Variants in MACROD2 observed in about 807,000 individuals in gnomAD.
MACROD2 encodes mono-ADP ribosylhydrolase 2.
In MACROD2, 36 loss-of-function variants were observed where a neutral mutation model predicts 70.4. The observed-to-expected ratio is 0.51, with a 90% CI of 0.39 to 0.68. MACROD2 has a LOEUF of 0.68. Among genes scored for constraint, MACROD2 ranks in the 30% least tolerant of loss-of-function variants. MACROD2 has a pLI of 0.00. For missense variants in MACROD2, 496 were observed against 538.4 expected (o/e 0.92, Z 0.78); for synonymous variants, 172 against 178.8 (o/e 0.96, Z 0.30).
chr20:15,697,160 C>T (rs2050388467), intron 8 of MACROD2, among the ~76,000 whole-genome samples: 1 of 151,998 alleles, frequency 6.6e-6, no homozygotes, highest in African/African-American at 2.4e-5. Context: ...TCTGTTTGTG[C>T]TCTTTCAAAC....
At chr20:14,469,527 C>T (rs2084502064) in intron 3 of MACROD2, among the ~76,000 whole-genome samples, 1 of 152,076 alleles carries the variant, frequency 6.6e-6, no homozygotes, top group Admixed American at 6.6e-5. Flanking sequence ...TGTTTTCCAA[C>T]TGGGTTCCAT....
At chr20:15,426,992 A>G (rs147877730) in intron 6 of MACROD2, among the ~76,000 whole-genome samples, 2 of 150,120 alleles carry the variant, frequency 1.3e-5, no homozygotes, top group African/African-American at 4.9e-5. Flanking sequence ...CTCTTTCTCA[A>G]TCTCTCTCTC....
intron 5 of MACROD2, among the ~76,000 whole-genome samples, chr20:14,869,680 T>G (rs1477648354): frequency 6.6e-6 from 1 of 152,198 alleles, no homozygotes; most frequent in African/African-American, 2.4e-5. Flanking sequence ...CAAACCCCTT[T>G]TCTCAACAAG....
intron 8 of MACROD2, among the ~76,000 whole-genome samples, chr20:15,694,756 A>G (rs888360361): frequency 1.3e-5 from 2 of 151,934 alleles, no homozygotes; most frequent in African/African-American, 4.8e-5. Context: ...TTTTTATTGC[A>G]TTTGCTTTTG....
chr20:14,262,063 C>A (rs2122316289), intron 3 of MACROD2, among the ~76,000 whole-genome samples: 1 of 151,974 alleles, frequency 6.6e-6, no homozygotes, highest in East Asian at 1.9e-4. Context: ...GAAGGCTTTA[C>A]CAGGTAGAGG....
At chr20:15,845,920 T>C (rs991830663) in intron 8 of MACROD2, among the ~76,000 whole-genome samples, 1 of 152,208 alleles carries the variant, frequency 6.6e-6, no homozygotes, top group Non-Finnish European at 1.5e-5. Flanking sequence ...TTTAAGCCTA[T>C]TCTCTTGATC....
chr20:15,672,179 A>G (rs564052812), intron 8 of MACROD2, among the ~76,000 whole-genome samples: 6 of 152,308 alleles, frequency 3.9e-5, no homozygotes, highest in African/African-American at 1.4e-4. Context: ...TCGTCTCTGC[A>G]CAGATGAAAT....
intron 5 of MACROD2, among the ~76,000 whole-genome samples, chr20:14,927,389 C>G (rs913787): frequency 0.16 from 23,859 of 152,156 alleles, 2,047 homozygotes; most frequent in Non-Finnish European, 0.19. Flanking sequence ...CTAGACTGTC[C>G]TAGCAGAAAC....
intron 5 of MACROD2, among the ~76,000 whole-genome samples, chr20:14,987,309 C>A (rs2074858336): frequency 6.6e-6 from 1 of 152,136 alleles, no homozygotes; most frequent in South Asian, 2.1e-4. Flanking sequence ...TGGGGCCTCT[C>A]TGAGGATTAT....
chr20:15,130,628 A>G (rs1466945967), intron 5 of MACROD2, among the ~76,000 whole-genome samples: 2 of 152,064 alleles, frequency 1.3e-5, no homozygotes, highest in Non-Finnish European at 2.9e-5. Context: ...ATGACCAAAA[A>G]CAGTCAAAGC....
At chr20:14,439,249 C>T (rs2084093307) in intron 3 of MACROD2, among the ~76,000 whole-genome samples, 1 of 151,930 alleles carries the variant, frequency 6.6e-6, no homozygotes, top group Non-Finnish European at 1.5e-5. Flanking sequence ...CTACTCTGTT[C>T]TCTGTGTCTC....
chr20:16,007,819 C>A (rs775727388), intron 15 of MACROD2, among the ~76,000 whole-genome samples: 1 of 152,090 alleles, frequency 6.6e-6, no homozygotes, highest in South Asian at 2.1e-4. Context: ...CTGTGGCTAA[C>A]AGAGTATGAC....
At chr20:14,979,608 A>G (rs2074778432) in intron 5 of MACROD2, among the ~76,000 whole-genome samples, 1 of 152,220 alleles carries the variant, frequency 6.6e-6, no homozygotes, top group Admixed American at 6.5e-5. Flanking sequence ...TGGGTTCTTG[A>G]TAAGTTATGT....
intron 13 of MACROD2, among the ~76,000 whole-genome samples, chr20:15,977,183 G>A (rs796548287): frequency 3.3e-5 from 5 of 152,292 alleles, no homozygotes; most frequent in African/African-American, 1.2e-4. Context: ...ATGACCTGGT[G>A]CGATGATTAG....
At chr20:15,624,844 C>T (rs2049179764) in intron 8 of MACROD2, among the ~76,000 whole-genome samples, 1 of 152,108 alleles carries the variant, frequency 6.6e-6, no homozygotes, top group African/African-American at 2.4e-5. Context: ...TTATTTTCTT[C>T]CAAACATAAC....
At chr20:14,900,696 T>C (rs951745912) in intron 5 of MACROD2, among the ~76,000 whole-genome samples, 4 of 152,038 alleles carry the variant, frequency 2.6e-5, no homozygotes, top group Non-Finnish European at 5.9e-5. Flanking sequence ...GCCCTTTTTT[T>C]TTCTTTGCCA....
At chr20:15,224,568 T>C (rs1235194807) in intron 5 of MACROD2, among the ~76,000 whole-genome samples, 1 of 152,206 alleles carries the variant, frequency 6.6e-6, no homozygotes, top group Non-Finnish European at 1.5e-5. Context: ...CTTTTCTTAA[T>C]CTCTAAAAAT....
At chr20:15,820,302 C>T (rs565297364) in intron 8 of MACROD2, among the ~76,000 whole-genome samples, 7 of 152,188 alleles carry the variant, frequency 4.6e-5, no homozygotes, top group Non-Finnish European at 8.8e-5. Context: ...GTGGTCCTCC[C>T]GCCTCAGCCC....
intron 5 of MACROD2, among the ~76,000 whole-genome samples, chr20:14,999,171 A>G (rs996011076): frequency 1.3e-5 from 2 of 152,356 alleles, no homozygotes; most frequent in East Asian, 1.9e-4. Context: ...AAGGACATTA[A>G]TAAGCAATAG....
Sources: allele counts gnomAD v4.1 joint callset (sites outside exome capture counted in the v4.1 genomes callset), GRCh38; gene constraint gnomAD v4.1.1; transcripts MANE v1.5; gene names NCBI Gene and HGNC (gene_info 2026-07-23, HGNC 2026-07-21).